The following ELOVL6 variants were observed in gnomAD, a reference collection of about 807,000 sequenced individuals.
ELOVL6 encodes very long chain fatty acid elongase 6.
A neutral mutation model predicts 31.7 loss-of-function variants in ELOVL6; 8 were observed. That is an observed-to-expected ratio of 0.25 (90% CI 0.15 to 0.45). The LOEUF (loss-of-function observed/expected upper bound fraction) is 0.45. Among genes scored for constraint, ELOVL6 ranks in the 20% least tolerant of loss-of-function variants. The pLI is 1.00. For synonymous variants in ELOVL6, 101 were observed against 117.7 expected, an observed-to-expected ratio of 0.86 and a Z score of 0.92; for missense variants, 126 against 326.4, an observed-to-expected ratio of 0.39 and a Z score of 4.73.
intron 2 of ELOVL6, among the ~76,000 whole-genome samples, chr4:110,077,204 A>C (rs1462371674): frequency 1.3e-5 from 2 of 152,182 alleles, no homozygotes; most frequent in Non-Finnish European, 2.9e-5. Flanking sequence ...TCCTCTGCAG[A>C]CTTAAATGTC....
intron 2 of ELOVL6, among the ~76,000 whole-genome samples, chr4:110,084,092 A>T (rs13119498): frequency 9.6e-5 from 7 of 72,734 alleles, no homozygotes; most frequent in African/African-American, 1.4e-4. Flanking sequence ...ATGATATATA[A>T]CATATATATG....
intron 2 of ELOVL6, among the ~76,000 whole-genome samples, chr4:110,102,600 T>C (rs1756778977): frequency 6.6e-6 from 1 of 151,616 alleles, no homozygotes; most frequent in Non-Finnish European, 1.5e-5. Flanking sequence ...GTTGAGGCTG[T>C]AGGGAGCCGT....
At chr4:110,166,169 C>T (rs13150920) in intron 1 of ELOVL6, among the ~76,000 whole-genome samples, 66,573 of 151,998 alleles carry the variant, frequency 0.44, 15,887 homozygotes, top group East Asian at 0.62. Flanking sequence ...ACATTCATTT[C>T]GCCCCTGGAC....
intron 1 of ELOVL6, among the ~76,000 whole-genome samples, chr4:110,114,011 G>A (rs1757109420): frequency 6.6e-6 from 1 of 152,150 alleles, no homozygotes. Context: ...AGCTACTCAG[G>A]AGGCTGAGGT....
At position 110,046,066 on chromosome 4, in the gene ELOVL6, C is replaced by A. The variant is rs746972660; in HGVS notation, c.*5272G>T. On this transcript the variant is annotated 3_prime_UTR_variant, in exon 4 of 4. Coordinates refer to ENST00000302274, the MANE Select transcript of ELOVL6 (RefSeq NM_024090.3). ...TGGTTTTCAAGATAGCAGCAAGCAA[C>A]CTCCTGCCTGAATATGTCTAGACAG... 2.0e-5 allele frequency: 3 copies of A among 152,118 alleles called. No individual in the cohort carries two copies. The highest frequency in any genetic ancestry group is 4.8e-5 in the African/African-American group (2 of 41,414). 9.4% of individuals were successfully genotyped at this position (152,118 alleles called of 1,614,324 possible).
chr4:110,068,477 A>C (rs928278229), intron 2 of ELOVL6, among the ~76,000 whole-genome samples: 1 of 152,164 alleles, frequency 6.6e-6, no homozygotes, highest in African/African-American at 2.4e-5. Context: ...ACTCACCACC[A>C]ATCCCCCTGA....
At chr4:110,192,115 A>G (rs1759640684) in intron 1 of ELOVL6, among the ~76,000 whole-genome samples, 1 of 151,762 alleles carries the variant, frequency 6.6e-6, no homozygotes, top group African/African-American at 2.4e-5. Context: ...ACTTGAACCC[A>G]GGAGGCAGAG....
At chr4:110,087,991 T>A (rs2126237896) in intron 2 of ELOVL6, among the ~76,000 whole-genome samples, 1 of 152,212 alleles carries the variant, frequency 6.6e-6, no homozygotes, top group East Asian at 1.9e-4. Context: ...ATACGTGGTT[T>A]TACTACATTT....
At chr4:110,120,803 T>C (rs371996757) in intron 1 of ELOVL6, among the ~76,000 whole-genome samples, 1,465 of 136,914 alleles carry the variant, frequency 0.011, 27 homozygotes, top group African/African-American at 0.033. Flanking sequence ...CTTTTCTTTT[T>C]TTTTTTTTTT....
At chr4:110,173,535 C>T (rs1191842672) in intron 1 of ELOVL6, among the ~76,000 whole-genome samples, 1 of 150,312 alleles carries the variant, frequency 6.7e-6, no homozygotes. Context: ...GTCCATGTCA[C>T]TCAGCCTATG....
intron 1 of ELOVL6, among the ~76,000 whole-genome samples, chr4:110,163,235 G>A (rs1408883762): frequency 1.3e-5 from 2 of 152,130 alleles, no homozygotes; most frequent in African/African-American, 4.8e-5. Flanking sequence ...GATGGGCCCA[G>A]GGCTAACATG....
intron 2 of ELOVL6, among the ~76,000 whole-genome samples, chr4:110,078,831 T>C (rs1326901620): frequency 4.6e-5 from 7 of 152,198 alleles, no homozygotes; most frequent in Admixed American, 3.9e-4. Flanking sequence ...CAGTGTGCTA[T>C]ATTCAGGAAA....
chr4:110,088,255 G>C (rs528119181), intron 2 of ELOVL6, among the ~76,000 whole-genome samples: 2 of 152,296 alleles, frequency 1.3e-5, no homozygotes, highest in South Asian at 4.1e-4. Context: ...GAGTGAAAAT[G>C]AGAATAAACA....
chr4:110,106,155 G>A (rs1301477123), intron 1 of ELOVL6, among the ~76,000 whole-genome samples: 1 of 152,132 alleles, frequency 6.6e-6, no homozygotes, highest in Non-Finnish European at 1.5e-5. Context: ...CCAGGAGTTT[G>A]AGACCAGACT....
intron 1 of ELOVL6, among the ~76,000 whole-genome samples, chr4:110,158,881 C>T (rs1422083331): frequency 6.6e-6 from 1 of 151,660 alleles, no homozygotes; most frequent in Non-Finnish European, 1.5e-5. Context: ...GGCTAGTCTT[C>T]AACTCCTGAC....
At chr4:110,196,068 G>A (rs1759767766) in intron 1 of ELOVL6, among the ~76,000 whole-genome samples, 1 of 152,182 alleles carries the variant, frequency 6.6e-6, no homozygotes, top group Admixed American at 6.5e-5. Flanking sequence ...TGAATGGAGA[G>A]AAGAGGCGGG....
At position 110,170,329 on chromosome 4, in the gene ELOVL6, T is replaced by C. The variant is rs550286820; in HGVS notation, c.89+27918A>G. Among the ~76,000 whole-genome samples, 167 of 152,354 alleles carry C rather than the reference T, an allele frequency of 1.1e-3. 1 individual carries two copies. Among genetic ancestry groups the C allele is most frequent in the African/African-American group, 3.8e-3 (159 of 41,590 alleles). ...AAAAACAAGATAAAGGCTTGAACTT[T>C]GCATGTTACTTCTAGAACAGAATAC... On this transcript the variant is annotated intron_variant, in intron 1 of 3. Transcript: ENST00000302274.
chr4:110,158,657 A>ATATATATATATATATATTTTTT, intron 1 of ELOVL6, among the ~76,000 whole-genome samples: 1 of 74,162 alleles, frequency 1.3e-5, no homozygotes, highest in Non-Finnish European at 2.3e-5. Context: ...ATATATATAT[A>ATATATATATATATATATTTTTT]TTTTTTTTTT....
intron 1 of ELOVL6, among the ~76,000 whole-genome samples, chr4:110,191,702 T>TG (rs1268946026): frequency 2.0e-5 from 3 of 151,996 alleles, no homozygotes; most frequent in African/African-American, 7.3e-5. Context: ...ACTGATTAGA[T>TG]GGGGGGCCGG....
Sources: allele counts gnomAD v4.1 joint callset (sites outside exome capture counted in the v4.1 genomes callset), GRCh38; gene constraint gnomAD v4.1.1; transcripts MANE v1.5; gene names NCBI Gene and HGNC (gene_info 2026-07-23, HGNC 2026-07-21).